NTN1: variants seen among roughly 807,000 people sequenced by gnomAD.
NTN1 encodes netrin-1.
NTN1 carries 11 observed loss-of-function variants against 54.2 expected under a neutral mutation model. The observed-to-expected ratio is 0.20, with a 90% confidence interval of 0.13 to 0.34. NTN1 has a LOEUF of 0.34. NTN1 is among the 10% of genes least tolerant of loss of function. The probability of loss-of-function intolerance (pLI) is 1.00; values close to 1 mark genes in which losing one functional copy is unlikely to be tolerated. For missense variants in NTN1, 740 were observed against 893.1 expected (o/e 0.83, Z 2.18); for synonymous variants, 371 against 382.0 (o/e 0.97, Z 0.33).
intron 2 of NTN1, among the ~76,000 whole-genome samples, chr17:9,062,534 C>A (rs2092002097): frequency 1.3e-5 from 2 of 152,106 alleles, no homozygotes; most frequent in African/African-American, 2.4e-5. Context: ...TTCTTTGCAG[C>A]CAGGGGAACC....
At chr17:9,083,978 C>T (rs1025345721) in intron 2 of NTN1, among the ~76,000 whole-genome samples, 3 of 152,220 alleles carry the variant, frequency 2.0e-5, no homozygotes, top group East Asian at 1.9e-4. Context: ...TGAGAGCCAC[C>T]GGGCTGGGGA....
At chr17:9,230,536 C>G (rs1905772951) in intron 6 of NTN1, among the ~76,000 whole-genome samples, 1 of 151,532 alleles carries the variant, frequency 6.6e-6, no homozygotes, top group African/African-American at 2.4e-5. Context: ...ATGCGGGTGA[C>G]CACCAGGTTG....
At chr17:9,125,992 A>G (rs1429389011) in intron 2 of NTN1, among the ~76,000 whole-genome samples, 3 of 152,258 alleles carry the variant, frequency 2.0e-5, no homozygotes, top group Non-Finnish European at 4.4e-5. Flanking sequence ...GGACTTGTCA[A>G]AGGTTGTCTA....
chr17:9,068,040 A>C (rs1196338313), intron 2 of NTN1, among the ~76,000 whole-genome samples: 2 of 152,224 alleles, frequency 1.3e-5, no homozygotes, highest in Non-Finnish European at 2.9e-5. Flanking sequence ...GCAGTCTCCA[A>C]GCACGGTGCC....
intron 5 of NTN1, among the ~76,000 whole-genome samples, chr17:9,206,479 G>T (rs1020751589): frequency 1.3e-5 from 2 of 152,120 alleles, no homozygotes; most frequent in Non-Finnish European, 2.9e-5. Context: ...CTGCCCTCGG[G>T]GGGAGGGGGC....
At chr17:9,123,500 G>T (rs992157679) in intron 2 of NTN1, among the ~76,000 whole-genome samples, 2 of 152,130 alleles carry the variant, frequency 1.3e-5, no homozygotes, top group Non-Finnish European at 2.9e-5. Flanking sequence ...TATTAGATAC[G>T]TATTTTACAG....
intron 5 of NTN1, among the ~76,000 whole-genome samples, chr17:9,217,892 A>G (rs552206540): frequency 6.6e-6 from 1 of 151,220 alleles, no homozygotes; most frequent in Admixed American, 6.6e-5. Flanking sequence ...CGCAACTCCA[A>G]ATGCTCAGAG....
At chr17:9,117,011 AG>A (rs894283373) in intron 2 of NTN1, among the ~76,000 whole-genome samples, 4 of 142,290 alleles carry the variant, frequency 2.8e-5, no homozygotes, top group African/African-American at 7.5e-5. Flanking sequence ...TCCCTGAATG[AG>A]GGGGGTGGGA....
intron 2 of NTN1, among the ~76,000 whole-genome samples, chr17:9,125,453 C>G (rs921310818): frequency 1.3e-5 from 2 of 152,004 alleles, no homozygotes; most frequent in Non-Finnish European, 2.9e-5. Flanking sequence ...GTCTTGAACT[C>G]CTGACCTCAG....
intron 6 of NTN1, among the ~76,000 whole-genome samples, chr17:9,226,168 G>GGGT (rs1555578687): frequency 1.4e-5 from 2 of 143,972 alleles, no homozygotes; most frequent in African/African-American, 5.0e-5. Context: ...GGGTCGGGGG[G>GGGT]GGGCCTCAGT....
intron 2 of NTN1, among the ~76,000 whole-genome samples, chr17:9,106,298 T>G (rs577268748): frequency 6.6e-6 from 1 of 152,324 alleles, no homozygotes; most frequent in African/African-American, 2.4e-5. Context: ...GTGTTTTGTA[T>G]CTTGGGGGCA....
At chr17:9,021,124 G>C (rs367772836), upstream of NTN1, among the ~76,000 whole-genome samples, 1 of 152,110 alleles carries the variant, frequency 6.6e-6, no homozygotes, top group Non-Finnish European at 1.5e-5. Context: ...GGCTGGGACC[G>C]GGAGGGAGAA....
At chr17:9,108,176 G>C (rs1271560365) in intron 2 of NTN1, among the ~76,000 whole-genome samples, 1 of 152,156 alleles carries the variant, frequency 6.6e-6, no homozygotes, top group Non-Finnish European at 1.5e-5. Context: ...AGAATTGTTG[G>C]GAAGGCTGAA....
chr17:9,027,788 C>T (rs1343232480), intron 2 of NTN1, among the ~76,000 whole-genome samples: 1 of 152,060 alleles, frequency 6.6e-6, no homozygotes, highest in Non-Finnish European at 1.5e-5. Context: ...GGTTTAGATA[C>T]TTTCCTGGGG....
At position 9,200,438 on chromosome 17, in the gene NTN1, T is replaced by C. The variant is rs184543549; in HGVS notation, c.1411+17469T>C. On this transcript the variant is annotated intron_variant, in intron 5 of 6. Coordinates refer to ENST00000173229, the MANE Select transcript of NTN1 (RefSeq NM_004822.3). Reference sequence around the variant, plus strand: ...GGAGATAGAATGGAGGGCACAGAGCTGTTACAGCGGATTAGCAGCCGCAGA... The same window carrying C: ...GGAGATAGAATGGAGGGCACAGAGCCGTTACAGCGGATTAGCAGCCGCAGA... Among the ~76,000 whole-genome samples, 571 of 152,340 alleles carry C rather than the reference T, an allele frequency of 3.7e-3. 9 individuals carry two copies. The highest frequency in any genetic ancestry group is 0.023 in the Admixed American group (348 of 15,300).
chr17:9,127,378 A>G (rs1175193111), intron 2 of NTN1, among the ~76,000 whole-genome samples: 3 of 152,076 alleles, frequency 2.0e-5, no homozygotes, highest in African/African-American at 4.8e-5. Context: ...AAGGAAAGCA[A>G]TGACCCGTGA....
chr17:9,100,084 G>A (rs184216729), intron 2 of NTN1, among the ~76,000 whole-genome samples: 214 of 145,288 alleles, frequency 1.5e-3, no homozygotes, highest in Non-Finnish European at 2.9e-3. Flanking sequence ...AAAGTGCTGG[G>A]AATACTGACA....
chr17:9,021,514 C>G lies in NTN1; in HGVS notation c.-135C>G, dbSNP rs1245780662. The G allele has an allele frequency of 1.3e-5, 2 of 152,094 alleles. No individual in the cohort carries two copies. The highest frequency in any genetic ancestry group is 2.9e-5 in the Non-Finnish European group (2 of 67,892). 9.4% of individuals were successfully genotyped at this position (152,094 alleles called of 1,614,324 possible). On this transcript the variant is annotated 5_prime_UTR_variant, in exon 1 of 7. Coordinates refer to ENST00000173229, the MANE Select transcript of NTN1 (RefSeq NM_004822.3). ...CCGCGCTCCCCTCCGCCCCTCACTCCCAGCGCGAGTGGCGGCGGCGGCGGA... is the reference window on the plus strand; with the variant it reads ...CCGCGCTCCCCTCCGCCCCTCACTCGCAGCGCGAGTGGCGGCGGCGGCGGA...
intron 6 of NTN1, among the ~76,000 whole-genome samples, chr17:9,225,282 G>A (rs1905497662): frequency 6.6e-6 from 1 of 151,954 alleles, no homozygotes; most frequent in African/African-American, 2.4e-5. Flanking sequence ...AAAAGTTGGG[G>A]AGTCCTCCCC....
Sources: gnomAD v4.1 joint callset for allele counts (sites outside exome capture counted in the v4.1 genomes callset) on GRCh38, gnomAD v4.1.1 for gene constraint, MANE v1.5 for transcripts, NCBI Gene and HGNC (gene_info 2026-07-23, HGNC 2026-07-21) for gene names.